Variants in KLRG1 observed in about 807,000 individuals in gnomAD.
KLRG1 encodes the protein killer cell lectin-like receptor subfamily G member 1.
KLRG1 carries 16 observed loss-of-function variants against 21.8 expected under a neutral mutation model. The ratio of observed to expected loss-of-function variants is 0.73; its 90% CI spans 0.50 to 1.11. The LOEUF (loss-of-function observed/expected upper bound fraction) is 1.11, where lower values mean the gene tolerates loss of function less well. Ranked by LOEUF, KLRG1 falls within the 50% of genes most tolerant of loss-of-function variation. KLRG1 has a pLI of 0.00. For missense variants in KLRG1, 173 were observed against 218.3 expected (o/e 0.79, Z 1.31); for synonymous variants, 69 against 75.9 (o/e 0.91, Z 0.47).
At chr12:9,182,785 G>A in the KLRG1 span, among the ~76,000 whole-genome samples, 1 of 152,200 alleles carries the variant, frequency 6.6e-6, no homozygotes, top group Non-Finnish European at 1.5e-5. Context: ...GGGGACTTGA[G>A]TAGATGGCCC....
chr12:9,003,729 T>G (rs1441004707), intron 3 of KLRG1, among the ~76,000 whole-genome samples: 1 of 151,858 alleles, frequency 6.6e-6, no homozygotes, highest in Non-Finnish European at 1.5e-5. Context: ...ATACTTTAAG[T>G]TTTAGGGTAC....
the KLRG1 span, among the ~76,000 whole-genome samples, chr12:9,051,497 T>C: frequency 6.6e-6 from 1 of 152,150 alleles, no homozygotes; most frequent in Admixed American, 6.5e-5. Flanking sequence ...AGAGGAGCAA[T>C]CCTCTCCACG....
At chr12:9,165,354 C>A in the KLRG1 span, 1 of 1,614,042 alleles carries the variant, frequency 6.2e-7, no homozygotes, top group Non-Finnish European at 8.5e-7. Flanking sequence ...CCTACCTCAG[C>A]CACACCTGAT....
chr12:8,986,263 A>T (rs914885230), upstream of KLRG1, among the ~76,000 whole-genome samples: 4 of 152,186 alleles, frequency 2.6e-5, no homozygotes, highest in African/African-American at 9.7e-5. Context: ...ATTTGCCAAG[A>T]TTCTTTAATG....
At chr12:9,095,415 C>A in the KLRG1 span, 1 of 910,018 alleles carries the variant, frequency 1.1e-6, no homozygotes. Flanking sequence ...GTAGAGAAGC[C>A]ACTTACCTCT....
chr12:9,113,482 G>C, the KLRG1 span: 1 of 1,613,954 alleles, frequency 6.2e-7, no homozygotes, highest in Non-Finnish European at 8.5e-7. Flanking sequence ...TAGCTCAGAA[G>C]GACACAGCCC....
the KLRG1 span, among the ~76,000 whole-genome samples, chr12:9,122,441 A>T: frequency 6.6e-6 from 1 of 152,178 alleles, no homozygotes; most frequent in Non-Finnish European, 1.5e-5. Flanking sequence ...GTTAAATTTT[A>T]AAAGTAGGAA....
the KLRG1 span, among the ~76,000 whole-genome samples, chr12:9,170,693 C>T: frequency 6.6e-6 from 1 of 152,168 alleles, no homozygotes; most frequent in Non-Finnish European, 1.5e-5. This position sits in a 1 kb window ranked among gnomAD's most constrained non-coding sequence, Gnocchi z 4.6. Context: ...GGATGAGGAA[C>T]GGTCCCCCAC....
At chr12:9,152,368 C>A in the KLRG1 span, 1 of 1,303,670 alleles carries the variant, frequency 7.7e-7, no homozygotes, top group East Asian at 2.3e-5. Context: ...AGCCAAATTT[C>A]TGCTTTCAAG....
At chr12:9,186,688 C>A in the KLRG1 span, among the ~76,000 whole-genome samples, 787 of 152,170 alleles carry the variant, frequency 5.2e-3, 3 homozygotes, top group African/African-American at 0.018. Flanking sequence ...AGGATGAGTT[C>A]ATGTCCTTTC....
chr12:8,988,034 C>T (rs923384751), upstream of KLRG1, among the ~76,000 whole-genome samples: 3 of 152,166 alleles, frequency 2.0e-5, no homozygotes, highest in African/African-American at 7.2e-5. Flanking sequence ...CAGCTCTTGG[C>T]CCTGCAGGAA....
At chr12:8,977,574 C>T (rs1036203956) in intron 1 of KLRG1, among the ~76,000 whole-genome samples, 4 of 151,946 alleles carry the variant, frequency 2.6e-5, no homozygotes, top group African/African-American at 9.7e-5. Flanking sequence ...ATTTTATTTA[C>T]ATTTAAAGTA....
the KLRG1 span, chr12:9,157,359 T>A: frequency 1.2e-6 from 2 of 1,608,990 alleles, no homozygotes; most frequent in Non-Finnish European, 1.7e-6. Context: ...TAGGGTTCTG[T>A]AAAGGCAAAA....
chr12:9,117,645 G>T, the KLRG1 span, among the ~76,000 whole-genome samples: 1 of 152,134 alleles, frequency 6.6e-6, no homozygotes, highest in African/African-American at 2.4e-5. Context: ...GTAAGTGCTT[G>T]TGGGATATTC....
chr12:9,157,386 T>C, the KLRG1 span: 1 of 1,591,548 alleles, frequency 6.3e-7, no homozygotes, highest in Non-Finnish European at 8.6e-7. Flanking sequence ...TGTGTCAAAC[T>C]AGGGTGAATA....
chr12:8,999,042 T>TC (rs930013926), intron 3 of KLRG1, among the ~76,000 whole-genome samples: 10 of 143,770 alleles, frequency 7.0e-5, no homozygotes, highest in African/African-American at 2.8e-4. Flanking sequence ...TTATTATCTC[T>TC]TTTTTTTTTC....
At chr12:9,157,780 G>C in the KLRG1 span, 3 of 1,613,974 alleles carry the variant, frequency 1.9e-6, no homozygotes, top group Non-Finnish European at 2.5e-6. Flanking sequence ...GACTGGGAGA[G>C]GAATTTCCAG....
At chr12:9,169,305 A>C in the KLRG1 span, 2 of 1,001,992 alleles carry the variant, frequency 2.0e-6, no homozygotes, top group Non-Finnish European at 2.8e-6. Flanking sequence ...TATTGGCTTC[A>C]TTTTTGTCTG....
rs769194849 is a variant in KLRG1, at chr12:8,979,536, G to A, written c.-155-12670G>A. Among the ~76,000 whole-genome samples, 55 of 152,212 alleles carry A rather than the reference G, an allele frequency of 3.6e-4. 1 individual carries two copies. The highest frequency in any genetic ancestry group is 1.3e-3 in the African/African-American group (54 of 41,540). On this transcript the variant is annotated intron_variant, in intron 1 of 4. Transcript: ENST00000539240. ...AACAATTTAATTATAATGTGTCTAG[G>A]TGTAGACTTCTTTATGTTTAACCTA...
Sources: allele counts gnomAD v4.1 joint callset (sites outside exome capture counted in the v4.1 genomes callset), GRCh38; gene constraint gnomAD v4.1.1; non-coding constraint Gnocchi (gnomAD v3.1); transcripts MANE v1.5; gene names NCBI Gene and HGNC (gene_info 2026-07-23, HGNC 2026-07-21).